Variants in TM4SF4 observed in about 807,000 individuals in gnomAD.
The protein encoded by TM4SF4 is transmembrane 4 L six family member 4, also known as transmembrane 4 L6 family member 4.
Under a neutral mutation model 24.1 loss-of-function variants are expected in TM4SF4, and 24 were observed. That is an observed-to-expected ratio of 1.00 (90% CI 0.72 to 1.40). TM4SF4 has a LOEUF of 1.40. TM4SF4 is among the 40% of genes most tolerant of loss of function. TM4SF4 has a pLI of 0.00. For missense variants in TM4SF4, 254 were observed against 254.2 expected, an observed-to-expected ratio of 1.00 and a Z score of 0.01; for synonymous variants, 113 against 97.0, an observed-to-expected ratio of 1.17 and a Z score of -0.97.
At chr3:149,480,830 T>C (rs958526218) in intron 2 of TM4SF4, among the ~76,000 whole-genome samples, 1 of 152,160 alleles carries the variant, frequency 6.6e-6, no homozygotes, top group Non-Finnish European at 1.5e-5. Flanking sequence ...CTATTTTTAT[T>C]CTACTTCTAC....
intron 2 of TM4SF4, among the ~76,000 whole-genome samples, chr3:149,476,778 C>A (rs1279075747): frequency 7.0e-6 from 1 of 142,366 alleles, no homozygotes; most frequent in Non-Finnish European, 1.5e-5. Flanking sequence ...ATAAGTCTTT[C>A]TTTTTTCTTT....
At chr3:149,481,820 A>G (rs1734038272) in intron 2 of TM4SF4, among the ~76,000 whole-genome samples, 1 of 152,208 alleles carries the variant, frequency 6.6e-6, no homozygotes, top group African/African-American at 2.4e-5. Context: ...TGTATGCTAT[A>G]TACATTTCTT....
chr3:149,495,409 G>T, intron 3 of TM4SF4: 1 of 342,096 alleles, frequency 2.9e-6, no homozygotes, highest in Non-Finnish European at 5.9e-6. Flanking sequence ...TACAAAGTTG[G>T]TGGCATTGGT....
At chr3:149,496,722 T>C (rs930519486) in intron 3 of TM4SF4, among the ~76,000 whole-genome samples, 2 of 152,130 alleles carry the variant, frequency 1.3e-5, no homozygotes, top group African/African-American at 4.8e-5. Flanking sequence ...GAGCCGAGAT[T>C]GTGCCATTGC....
chr3:149,498,113 CA>C (rs1444759054), intron 3 of TM4SF4, among the ~76,000 whole-genome samples: 1 of 152,112 alleles, frequency 6.6e-6, no homozygotes, highest in Non-Finnish European at 1.5e-5. Flanking sequence ...TACATGTTAA[CA>C]AAAATATAGT....
rs556358999 is a variant in TM4SF4 at position 149,475,025 on chromosome 3, G to A, written c.148G>A (p.Gly50Arg). ...DHLSQEIWFF[G>R]GILGSGVLMI... ...CCTTTCCCAAGAGATCTGGTTTTTCGGAGGAATATTAGGAAGCGGTGTCTT... is the reference window on the plus strand; with the variant it reads ...CCTTTCCCAAGAGATCTGGTTTTTCAGAGGAATATTAGGAAGCGGTGTCTT... The change falls in exon 1 of 5, where the codon GGA becomes AGA. Residue 50 changes from glycine (G) to arginine (R), a missense_variant. Gly to Arg is a moderately radical substitution (Grantham distance 125). Coordinates refer to ENST00000305354, the MANE Select transcript of TM4SF4 (RefSeq NM_004617.4). 55 of 1,613,340 alleles carry A rather than the reference G, an allele frequency of 3.4e-5. No individual in the cohort carries two copies. The South Asian group carries it at 4.3e-4, about 13-fold the overall frequency.
intron 2 of TM4SF4, among the ~76,000 whole-genome samples, chr3:149,476,262 G>T (rs1733926860): frequency 1.3e-5 from 2 of 152,216 alleles, no homozygotes; most frequent in Non-Finnish European, 2.9e-5. Flanking sequence ...ACTTGGACAA[G>T]TCATTTCCCT....
At chr3:149,479,809 C>T (rs1381996260) in intron 2 of TM4SF4, among the ~76,000 whole-genome samples, 1 of 152,136 alleles carries the variant, frequency 6.6e-6, no homozygotes, top group Non-Finnish European at 1.5e-5. Flanking sequence ...ATTTATTTTC[C>T]CGGTTCCTCT....
At chr3:149,497,710 T>A (rs1195877014) in intron 3 of TM4SF4, among the ~76,000 whole-genome samples, 3 of 152,144 alleles carry the variant, frequency 2.0e-5, no homozygotes, top group Non-Finnish European at 4.4e-5. Context: ...AATGGCATGA[T>A]CTTGGCTCAC....
chr3:149,490,139 C>T (rs1329644855), intron 3 of TM4SF4, among the ~76,000 whole-genome samples: 1 of 152,136 alleles, frequency 6.6e-6, no homozygotes, highest in Non-Finnish European at 1.5e-5. Context: ...TAAAATATGC[C>T]ATGATGGTTA....
Position 149,502,886 on chromosome 3 carries a change from T to C in TM4SF4, c.*193T>C. The stretch of plus-strand genomic sequence containing the variant: ...TGTTATTTTCAAATAAAAAATAGTT[T>C]GGCCACTTAACAAATTTGATTTATA... On this transcript the variant is annotated 3_prime_UTR_variant, in exon 5 of 5. Coordinates refer to ENST00000305354, the MANE Select transcript of TM4SF4 (RefSeq NM_004617.4). The C allele has an allele frequency of 8.4e-6, 4 of 478,744 alleles. 1 individual carries two copies. The highest frequency in any genetic ancestry group is 1.5e-5 in the Non-Finnish European group (4 of 269,904). 29.7% of individuals were successfully genotyped at this position (478,744 alleles called of 1,614,324 possible). A position where few individuals can be genotyped will look rare whatever the true frequency, so the allele number is the denominator to read the frequency against.
chr3:149,484,583 G>C (rs1297526935), intron 2 of TM4SF4, among the ~76,000 whole-genome samples: 1 of 144,740 alleles, frequency 6.9e-6, no homozygotes, highest in South Asian at 2.2e-4. Context: ...GCGGAGTCTC[G>C]TTCTGTTGCC....
chr3:149,491,126 A>G (rs1734202639), intron 3 of TM4SF4, among the ~76,000 whole-genome samples: 1 of 151,846 alleles, frequency 6.6e-6, no homozygotes, highest in African/African-American at 2.4e-5. Flanking sequence ...CCAGGGCTCC[A>G]TGGCTAGTAA....
At position 149,503,108 on chromosome 3, in the gene TM4SF4, A is replaced by G. The variant is rs1174322340; in HGVS notation, c.*415A>G. 6.3e-6 allele frequency: 1 copy of G among 159,562 alleles called. No homozygotes were observed. The highest frequency in any genetic ancestry group is 1.4e-5 in the Non-Finnish European group (1 of 73,110). 9.9% of individuals were successfully genotyped at this position (159,562 alleles called of 1,614,324 possible). The stretch of plus-strand genomic sequence containing the variant: ...AGCACATTTAAAATGAGAAACTAAG[A>G]CCAATTTCTGTTTTTAAGAGGAAAA... On this transcript the variant is annotated 3_prime_UTR_variant, in exon 5 of 5. Coordinates refer to ENST00000305354, the MANE Select transcript of TM4SF4 (RefSeq NM_004617.4).
chr3:149,487,510 C>T (rs1734138993), intron 2 of TM4SF4, 109 bp from the exon 3 acceptor site: 1 of 1,373,840 alleles, frequency 7.3e-7, no homozygotes, highest in Non-Finnish European at 1.0e-6. Context: ...CTAGCTCCTA[C>T]TCCATAACTT....
intron 4 of TM4SF4, among the ~76,000 whole-genome samples, chr3:149,500,263 A>AAAAAAAAAAAAAAAAAAAAAAAAAAAC (rs1734394890): frequency 6.6e-6 from 1 of 152,120 alleles, no homozygotes; most frequent in Admixed American, 6.5e-5. Flanking sequence ...AAAACAAAAA[A>AAAAAAAAAAAAAAAAAAAAAAAAAAAC]CTAAAGGAAA....
In TM4SF4 at chr3:149,500,870, A is replaced by G. The variant is rs181710207; in HGVS notation, c.592-1806A>G. Among the ~76,000 whole-genome samples, 738 of 152,162 alleles carry G rather than the reference A, an allele frequency of 4.9e-3. 6 individuals are homozygous for G. Among genetic ancestry groups the G allele is most frequent in the Non-Finnish European group, 8.7e-3 (594 of 67,998 alleles). On this transcript the variant is annotated intron_variant, in intron 4 of 4. Transcript: ENST00000305354. Reference sequence around the variant, plus strand: ...GAAACCCCATCTCTACTAAAAATACAAAAAATTAACCAGATGTGGTGGCAT... The same window carrying G: ...GAAACCCCATCTCTACTAAAAATACGAAAAATTAACCAGATGTGGTGGCAT...
At chr3:149,494,661 T>C (rs1195010741) in intron 3 of TM4SF4, 1 of 151,642 alleles carries the variant, frequency 6.6e-6, no homozygotes, top group Non-Finnish European at 1.5e-5. Flanking sequence ...AAAACCAAAA[T>C]GGGAAAGAAA....
chr3:149,500,320 C>G (rs1734395478), intron 4 of TM4SF4, among the ~76,000 whole-genome samples: 1 of 151,850 alleles, frequency 6.6e-6, no homozygotes, highest in Non-Finnish European at 1.5e-5. Context: ...AGAAGACTGA[C>G]TTTTTTCCTT....
Sources: allele counts gnomAD v4.1 joint callset (sites outside exome capture counted in the v4.1 genomes callset), GRCh38; gene constraint gnomAD v4.1.1; transcripts MANE v1.5; gene names NCBI Gene and HGNC (gene_info 2026-07-23, HGNC 2026-07-21).